Variants in DOK6 observed in about 807,000 individuals in gnomAD.
The protein encoded by DOK6 is docking protein 6.
A neutral mutation model predicts 44.0 loss-of-function variants in DOK6; 22 were observed. The ratio of observed to expected loss-of-function variants is 0.50; its 90% confidence interval spans 0.36 to 0.71. The LOEUF is 0.71. DOK6 is among the 30% of genes least tolerant of loss of function. DOK6 has a pLI of 0.00. For missense variants in DOK6, 340 were observed against 416.4 expected (o/e 0.82, Z 1.60); for synonymous variants, 166 against 145.5 (o/e 1.14, Z -1.01).
At chr18:69,696,738 A>G (rs1355359517) in intron 4 of DOK6, among the ~76,000 whole-genome samples, 1 of 152,182 alleles carries the variant, frequency 6.6e-6, no homozygotes. Flanking sequence ...ATATGAGATC[A>G]TGCCCCCTTT....
At chr18:69,612,528 C>A (rs1984183685) in intron 3 of DOK6, among the ~76,000 whole-genome samples, 1 of 105,836 alleles carries the variant, frequency 9.4e-6, no homozygotes. Flanking sequence ...CCTACCCCAG[C>A]CTGGCACCAA....
intron 6 of DOK6, among the ~76,000 whole-genome samples, chr18:69,749,676 C>T (rs1194207896): frequency 6.6e-6 from 1 of 152,078 alleles, no homozygotes; most frequent in African/African-American, 2.4e-5. Flanking sequence ...TGCAGTGGCT[C>T]ACGCCTGTAA....
chr18:69,437,108 C>T (rs954049635), intron 1 of DOK6, among the ~76,000 whole-genome samples: 7 of 152,094 alleles, frequency 4.6e-5, no homozygotes, highest in African/African-American at 1.7e-4. Flanking sequence ...CTGTAGGTTG[C>T]CTGTTCACTC....
At chr18:69,597,313 A>G (rs1057238323) in intron 2 of DOK6, among the ~76,000 whole-genome samples, 3 of 152,218 alleles carry the variant, frequency 2.0e-5, no homozygotes, top group African/African-American at 7.2e-5. Context: ...GTTATGGTCT[A>G]TAAAGCCTCT....
intron 1 of DOK6, among the ~76,000 whole-genome samples, chr18:69,535,516 T>A (rs961016018): frequency 1.3e-5 from 2 of 151,756 alleles, no homozygotes; most frequent in Middle Eastern, 3.2e-3. Context: ...CCTAGATTTT[T>A]AAAAAAAATT....
Position 69,516,800 on chromosome 18 carries a change from G to A in DOK6, c.67-47687G>A, listed in dbSNP as rs185173693. On this transcript the variant is annotated intron_variant, in intron 1 of 7. Transcript: ENST00000382713. ...AAGTGATTCCCCTGCCTCAGCCTCC[G>A]GAGAAGCTGGGATTACAGGCATGCA... Among the ~76,000 whole-genome samples, 713 of 151,514 alleles carry A rather than the reference G, an allele frequency of 4.7e-3. 5 individuals are homozygous for A. Among genetic ancestry groups the A allele is most frequent in the Non-Finnish European group, 6.6e-3 (450 of 67,886 alleles).
At chr18:69,686,361 T>A (rs1986153292) in intron 4 of DOK6, among the ~76,000 whole-genome samples, 2 of 152,238 alleles carry the variant, frequency 1.3e-5, no homozygotes, top group South Asian at 4.1e-4. Context: ...AATAATTCAG[T>A]TGCTCTACAG....
At position 69,502,031 on chromosome 18, in the gene DOK6, A is replaced by T. The variant is rs1004494716; in HGVS notation, c.67-62456A>T. Among the ~76,000 whole-genome samples the T allele has an allele frequency of 2.6e-5, 4 of 152,104 alleles. No homozygotes were observed. The South Asian group carries it at 6.2e-4, about 24-fold the overall frequency. On this transcript the variant is annotated intron_variant, in intron 1 of 7. Transcript: ENST00000382713. The stretch of plus-strand genomic sequence containing the variant: ...AGAGCCAGGAGAGCTATTATTTCAG[A>T]AGAGTTGCTTTTATTTAATACATAG...
chr18:69,540,870 T>C (rs1982250145), intron 1 of DOK6, among the ~76,000 whole-genome samples: 1 of 152,180 alleles, frequency 6.6e-6, no homozygotes, highest in South Asian at 2.1e-4. Flanking sequence ...TTTCTTTCTC[T>C]TTTGTAATTG....
intron 1 of DOK6, among the ~76,000 whole-genome samples, chr18:69,459,101 C>T (rs1230114285): frequency 8.7e-5 from 3 of 34,568 alleles, no homozygotes; most frequent in African/African-American, 3.5e-4. Flanking sequence ...CCCCAACAAC[C>T]CCCCCCCCAA....
chr18:69,738,943 T>C (rs1343664383), intron 5 of DOK6, 22 bp from the exon 6 acceptor site: 3 of 1,612,944 alleles, frequency 1.9e-6, no homozygotes, highest in Non-Finnish European at 2.5e-6. Flanking sequence ...ACCCATCTCT[T>C]TCCCTATCTC....
At chr18:69,522,149 C>A (rs1178634891) in intron 1 of DOK6, among the ~76,000 whole-genome samples, 2 of 151,884 alleles carry the variant, frequency 1.3e-5, no homozygotes, top group South Asian at 2.1e-4. Context: ...GATAATTTTA[C>A]ACAGTGTCTT....
chr18:69,672,158 G>A (rs1985812159), intron 3 of DOK6, among the ~76,000 whole-genome samples: 1 of 152,180 alleles, frequency 6.6e-6, no homozygotes, highest in Non-Finnish European at 1.5e-5. Flanking sequence ...TTGTGGAAGG[G>A]AGGAAATGAG....
At chr18:69,777,681 T>C (rs1252883284) in intron 7 of DOK6, among the ~76,000 whole-genome samples, 1 of 149,254 alleles carries the variant, frequency 6.7e-6, no homozygotes, top group Non-Finnish European at 1.5e-5. Context: ...ATCTCCCACC[T>C]CTTCTCTCTC....
At chr18:69,772,948 A>G (rs1979932068) in intron 7 of DOK6, among the ~76,000 whole-genome samples, 1 of 152,098 alleles carries the variant, frequency 6.6e-6, no homozygotes, top group African/African-American at 2.4e-5. Context: ...ATATCTGATA[A>G]GGAACTAATT....
chr18:69,634,066 C>CA (rs566093310), intron 3 of DOK6, among the ~76,000 whole-genome samples: 2,760 of 139,598 alleles, frequency 0.02, 39 homozygotes, highest in Non-Finnish European at 0.03. Flanking sequence ...TCTCCCAAAT[C>CA]AAAAAAAAAA....
intron 1 of DOK6, among the ~76,000 whole-genome samples, chr18:69,531,949 A>G (rs1466287137): frequency 1.3e-5 from 2 of 152,106 alleles, no homozygotes; most frequent in Non-Finnish European, 2.9e-5. Flanking sequence ...TTTTATTTAG[A>G]TGAGGTCACG....
chr18:69,775,453 A>G (rs188427463), intron 7 of DOK6, among the ~76,000 whole-genome samples: 146 of 152,064 alleles, frequency 9.6e-4, no homozygotes, highest in African/African-American at 3.4e-3. Context: ...AATGGAAGGT[A>G]ATAAAAAGAG....
At chr18:69,628,673 T>C (rs1444968025) in intron 3 of DOK6, among the ~76,000 whole-genome samples, 1 of 152,206 alleles carries the variant, frequency 6.6e-6, no homozygotes, top group Non-Finnish European at 1.5e-5. Flanking sequence ...TTTATGAACA[T>C]ATTTGCCTAA....
Sources: gnomAD v4.1 joint callset for allele counts (sites outside exome capture counted in the v4.1 genomes callset) on GRCh38, gnomAD v4.1.1 for gene constraint, MANE v1.5 for transcripts, NCBI Gene and HGNC (gene_info 2026-07-23, HGNC 2026-07-21) for gene names.